Variants in SLC16A14 observed in about 807,000 individuals in gnomAD.
SLC16A14 encodes the protein solute carrier family 16 member 14.
SLC16A14 carries 14 observed loss-of-function variants against 35.8 expected under a neutral mutation model. That is an observed-to-expected ratio of 0.39 (90% CI 0.26 to 0.61). SLC16A14 has a LOEUF of 0.61. SLC16A14 is among the 20% of genes least tolerant of loss of function. The probability of loss-of-function intolerance (pLI) is 0.51; values close to 1 mark genes in which losing one functional copy is unlikely to be tolerated. For synonymous variants in SLC16A14, 248 were observed against 258.9 expected (o/e 0.96, Z 0.40); for missense variants, 533 against 655.0 (o/e 0.81, Z 2.03).
At position 230,036,319 on chromosome 2, in the gene SLC16A14, G is replaced by A. The variant is rs1236660592; in HGVS notation, c.*1061C>T. On this transcript the variant is annotated 3_prime_UTR_variant, in exon 5 of 5. Transcript: ENST00000295190. The stretch of plus-strand genomic sequence containing the variant: ...TGTGCCACGCTCAGGCAAATGAATG[G>A]TCTATATAACAACACGAGAGTCTAG... The A allele has an allele frequency of 1.3e-5, 2 of 152,184 alleles. No homozygotes were observed. Among genetic ancestry groups the A allele is most frequent in the Non-Finnish European group, 2.9e-5 (2 of 68,030 alleles). The allele number at this position is 152,184 out of a possible 1,614,324, so 9.4% of individuals were successfully genotyped here. A position where few individuals can be genotyped will look rare whatever the true frequency, so the allele number is the denominator to read the frequency against.
Position 230,060,599 on chromosome 2 carries a change from C to T in SLC16A14, c.-14-1233G>A, listed in dbSNP as rs141130374. Among the ~76,000 whole-genome samples the T allele has an allele frequency of 3.9e-3, 591 of 152,118 alleles. 6 individuals are homozygous for T. The highest frequency in any genetic ancestry group is 0.018 in the East Asian group (93 of 5,162). On this transcript the variant is annotated intron_variant, in intron 1 of 4. Coordinates refer to ENST00000295190, the MANE Select transcript of SLC16A14 (RefSeq NM_152527.5). ...CTGGTCTTGAACTCCTGGCTTCAAGCGATCCTCCTGCCTCAGCCTCCCAAA... is the reference window on the plus strand; with the variant it reads ...CTGGTCTTGAACTCCTGGCTTCAAGTGATCCTCCTGCCTCAGCCTCCCAAA...
chr2:230,053,794 C>T (rs752765257), intron 2 of SLC16A14, among the ~76,000 whole-genome samples: 31 of 151,972 alleles, frequency 2.0e-4, no homozygotes, highest in Non-Finnish European at 4.0e-4. Context: ...AAAAAAGTGT[C>T]CCACTGCTGT....
At chr2:230,049,937 A>T in intron 2 of SLC16A14, 33 bp from the exon 3 acceptor site, 2 of 1,601,878 alleles carry the variant, frequency 1.2e-6, no homozygotes, top group African/African-American at 1.3e-5. Flanking sequence ...GAATTGACTA[A>T]AGGTGCTTCC....
At chr2:230,042,000 G>A (rs1021341449) in intron 4 of SLC16A14, among the ~76,000 whole-genome samples, 10 of 152,232 alleles carry the variant, frequency 6.6e-5, no homozygotes, top group African/African-American at 2.2e-4. Context: ...GGTAGCCAAT[G>A]AATGTTGTTC....
At chr2:230,043,758 T>C (rs2077578557) in intron 4 of SLC16A14, among the ~76,000 whole-genome samples, 1 of 152,244 alleles carries the variant, frequency 6.6e-6, no homozygotes, top group African/African-American at 2.4e-5. Flanking sequence ...TCTCCAGTTC[T>C]TGGACAGAAG....
Position 230,046,231 on chromosome 2 carries a change from C to T in SLC16A14, c.895G>A (p.Asp299Asn). The T allele has an allele frequency of 6.2e-7, 1 of 1,614,218 alleles. No individual in the cohort carries two copies. Among genetic ancestry groups the T allele is most frequent in the Non-Finnish European group, 8.5e-7 (1 of 1,180,038 alleles). The change falls in exon 4 of 5, where the codon GAC (aspartate) becomes AAC (asparagine). Residue 299 changes from aspartate to asparagine, a missense_variant. Physicochemically the swap from Asp to Asn is conservative, Grantham distance 23. Transcript: ENST00000295190. This position sits in a 1 kb window ranked among gnomAD's most constrained non-coding sequence, Gnocchi z 5.0. ...LTMRVRKGFE[D>N]WYSGYFGTAS... ...GTCCCAAAGTAGCCCGAATACCAGT[C>T]CTCGAAGCCCTTCCTGACTCTCATG...
Position 230,049,821 on chromosome 2 carries a change from C to T in SLC16A14, c.343G>A (p.Val115Met), listed in dbSNP as rs373977794. ...ACGTTTGCAGCATAGGCACTCAACACCCAGCCCAGGGAGTTGACGAGCCCT... is the reference window on the plus strand; with the variant it reads ...ACGTTTGCAGCATAGGCACTCAACATCCAGCCCAGGGAGTTGACGAGCCCT... The part of the protein sequence containing the change: ...IGGLVNSLGW[V>M]LSAYAANVHY... Residue 115 changes from valine (V) to methionine (M), a missense_variant, in exon 3 of 5, where the codon GTG (valine) becomes ATG (methionine). Physicochemically the swap from Val to Met is conservative, Grantham distance 21. Coordinates refer to ENST00000295190, the MANE Select transcript of SLC16A14 (RefSeq NM_152527.5). 1.2e-5 allele frequency: 19 copies of T among 1,614,206 alleles called. No homozygotes were observed. In the African/African-American group the frequency reaches 2.1e-4, roughly 18 times the overall value.
intron 3 of SLC16A14, 95 bp downstream of exon 3, chr2:230,049,666 T>A (rs2077641278): frequency 7.5e-7 from 1 of 1,328,828 alleles, no homozygotes; most frequent in Non-Finnish European, 1.0e-6. Flanking sequence ...CAGAACAGAA[T>A]GTTTTAATGT....
chr2:230,037,415 A>G lies in SLC16A14; in HGVS notation c.1498T>C (p.Ser500Pro), dbSNP rs374561525. The G allele has an allele frequency of 2.3e-5, 37 of 1,611,906 alleles. No individual in the cohort carries two copies. Among genetic ancestry groups the G allele is most frequent in the Non-Finnish European group, 3.0e-5 (35 of 1,179,514 alleles). The change falls in exon 5 of 5, where the codon TCC becomes CCC. Residue 500 changes from serine (S) to proline (P), a missense_variant. By Grantham distance (74) the Ser-to-Pro change is moderately conservative. Transcript: ENST00000295190. ...IQPCIRIIEQ[S>P]RRKYMDGAHV ...GCACCATCCATGTATTTTCTTCTGG[A>G]TTGTTCTATAATTCGAATGCACGGC...
Position 230,048,979 on chromosome 2 carries a change from G to C in SLC16A14, c.403+782C>G, listed in dbSNP as rs1362854086. 3.4e-5 allele frequency among the ~76,000 whole-genome samples: 5 copies of C among 147,496 alleles called. No homozygotes were observed. The South Asian group carries it at 8.5e-4, about 25-fold the overall frequency. On this transcript the variant is annotated intron_variant, in intron 3 of 4. Transcript: ENST00000295190. ...TATTAAAGAGTAAATGAACGTTATT[G>C]GTTTCCTTAATCTTTTTTAAAATAT...
At chr2:230,056,104 T>C (rs1021770341) in intron 2 of SLC16A14, among the ~76,000 whole-genome samples, 2 of 152,248 alleles carry the variant, frequency 1.3e-5, no homozygotes, top group Non-Finnish European at 1.5e-5. Flanking sequence ...ACATACATAA[T>C]GGTGCCTTTA....
At position 230,049,816 on chromosome 2, in the gene SLC16A14, C is replaced by G. The variant is rs751915675; in HGVS notation, c.348G>C (p.Leu116Phe). The G allele has an allele frequency of 6.2e-7, 1 of 1,614,166 alleles. No individual in the cohort carries two copies. Among genetic ancestry groups the G allele is most frequent in the Admixed American group, 1.7e-5 (1 of 60,020 alleles). ...GGLVNSLGWV[L>F]SAYAANVHYL... ...AATGCACGTTTGCAGCATAGGCACT[C>G]AACACCCAGCCCAGGGAGTTGACGA... The change falls in exon 3 of 5, where the codon TTG (leucine) becomes TTC (phenylalanine). Residue 116 changes from leucine (L) to phenylalanine (F), a missense_variant. Physicochemically the swap from Leu to Phe is conservative, Grantham distance 22 (BLOSUM62 0). Coordinates refer to ENST00000295190, the MANE Select transcript of SLC16A14 (RefSeq NM_152527.5).
intron 1 of SLC16A14, among the ~76,000 whole-genome samples, chr2:230,064,030 C>G (rs1309109513): frequency 6.6e-6 from 1 of 150,944 alleles, no homozygotes. Flanking sequence ...CTGGGAGGTT[C>G]AGGCTGCAGT....
At chr2:230,039,728 G>T (rs141097474) in intron 4 of SLC16A14, among the ~76,000 whole-genome samples, 2 of 152,116 alleles carry the variant, frequency 1.3e-5, no homozygotes, top group Admixed American at 1.3e-4. Flanking sequence ...CTAAATCCCC[G>T]CTGTCCACAT....
chr2:230,045,771 G>C lies in SLC16A14; in HGVS notation c.1355C>G (p.Ser452Cys), dbSNP rs748099845. 1 of 1,614,210 alleles carries C rather than the reference G, an allele frequency of 6.2e-7. No individual in the cohort carries two copies. The highest frequency in any genetic ancestry group is 8.5e-7 in the Non-Finnish European group (1 of 1,180,050). The part of the protein sequence containing the change: ...YGIIICANGI[S>C]ALLGPPFAGW... The stretch of plus-strand genomic sequence containing the variant: ...TGCAAAAGGTGGTCCCAGCAATGCA[G>C]AGATGCCATTAGCACAGATGATGAT... Residue 452 changes from serine to cysteine, a missense_variant, in exon 4 of 5, where the codon TCT (serine) becomes TGT (cysteine). Transcript: ENST00000295190.
chr2:230,067,770 C>A (rs1216076997), intron 1 of SLC16A14, among the ~76,000 whole-genome samples: 2 of 152,192 alleles, frequency 1.3e-5, no homozygotes, highest in Non-Finnish European at 2.9e-5. Context: ...GCCTTGGCAG[C>A]GTTTAGCCCC....
intron 2 of SLC16A14, among the ~76,000 whole-genome samples, chr2:230,056,878 G>GT (rs2077709618): frequency 4.5e-5 from 1 of 22,366 alleles, no homozygotes; most frequent in Non-Finnish European, 8.9e-5. Context: ...TCTACAAAAA[G>GT]TAAAAAAAAA....
At chr2:230,040,549 T>A (rs7580321) in intron 4 of SLC16A14, among the ~76,000 whole-genome samples, 137,025 of 152,144 alleles carry the variant, frequency 0.9, 61,850 homozygotes, top group East Asian at 1. Context: ...TATTTTTTTT[T>A]AAAAACTGTC....
rs764117119 is a variant in SLC16A14 at position 230,060,677 on chromosome 2, G to GTT, written c.-14-1312_-14-1311insAA. ...GTGCCTGGCCTGTTTCATTTTTCATGGTTTTTTTTGGGGGGAGGGGATGAG... is the reference window on the plus strand; with the variant it reads ...GTGCCTGGCCTGTTTCATTTTTCATGTTGTTTTTTTTGGGGGGAGGGGATGAG... On this transcript the variant is annotated intron_variant, in intron 1 of 4. Transcript: ENST00000295190. Among the ~76,000 whole-genome samples, 700 of 148,746 alleles carry GTT rather than the reference G, an allele frequency of 4.7e-3. 6 individuals are homozygous for GTT. The highest frequency in any genetic ancestry group is 0.014 in the African/African-American group (576 of 40,042).
Sources: gnomAD v4.1 joint callset for allele counts (sites outside exome capture counted in the v4.1 genomes callset) on GRCh38, gnomAD v4.1.1 for gene constraint, Gnocchi (gnomAD v3.1) non-coding constraint, MANE v1.5 for transcripts, NCBI Gene and HGNC (gene_info 2026-07-23, HGNC 2026-07-21) for gene names.